Variants in AAK1 observed in about 807,000 individuals in gnomAD.
The protein encoded by AAK1 is AP2 associated kinase 1, also known as AP2-associated protein kinase 1.
A neutral mutation model predicts 116.0 loss-of-function variants in AAK1; 37 were observed. The observed-to-expected ratio is 0.32, with a 90% CI of 0.25 to 0.42. The LOEUF (loss-of-function observed/expected upper bound fraction) is 0.42. Among genes scored for constraint, AAK1 ranks in the 10% least tolerant of loss-of-function variants. The pLI is 1.00. For synonymous variants in AAK1, 458 were observed against 439.9 expected, an observed-to-expected ratio of 1.04 and a Z score of -0.51; for missense variants, 919 against 1,170.6, an observed-to-expected ratio of 0.79 and a Z score of 3.14.
chr2:69,639,087 T>C (rs955284626), intron 2 of AAK1, among the ~76,000 whole-genome samples: 1 of 152,246 alleles, frequency 6.6e-6, no homozygotes, highest in African/African-American at 2.4e-5. Context: ...AGTTTACTGA[T>C]GTGGACATTT....
chr2:69,612,811 T>C (rs1674147983), intron 2 of AAK1, among the ~76,000 whole-genome samples: 1 of 152,216 alleles, frequency 6.6e-6, no homozygotes, highest in East Asian at 1.9e-4. Flanking sequence ...ATCTCCCAGT[T>C]AGTCAAAGCC....
chr2:69,482,587 T>C (rs1171505777), intron 18 of AAK1, 124 bp downstream of exon 18: 2 of 794,004 alleles, frequency 2.5e-6, no homozygotes, highest in African/African-American at 1.7e-5. Flanking sequence ...CAAGTGAGAT[T>C]AAATAGCCTT....
intron 17 of AAK1, among the ~76,000 whole-genome samples, chr2:69,493,098 G>C (rs1037297066): frequency 7.2e-6 from 1 of 138,396 alleles, no homozygotes; most frequent in Non-Finnish European, 1.5e-5. Context: ...GGCGGAGCTT[G>C]CAGTGAGCCG....
chr2:69,625,026 AC>A (rs1277360241), intron 2 of AAK1, among the ~76,000 whole-genome samples: 5 of 152,352 alleles, frequency 3.3e-5, no homozygotes, highest in African/African-American at 1.2e-4. Flanking sequence ...CATTTCATTA[AC>A]AGTAAGTGTC....
In AAK1 at chr2:69,470,408, GC is replaced by G. The variant is rs1317976445; in HGVS notation, c.*5460del. The G allele has an allele frequency of 1.0e-6, 1 of 985,250 alleles. No homozygotes were observed. The highest frequency in any genetic ancestry group is 1.2e-6 in the Non-Finnish European group (1 of 829,926). The allele number at this position is 985,250 out of a possible 1,614,324, so 61.0% of individuals were successfully genotyped here. On this transcript the variant is annotated 3_prime_UTR_variant, in exon 22 of 22. Coordinates refer to ENST00000409085, the MANE Select transcript of AAK1 (RefSeq NM_014911.5). The stretch of plus-strand genomic sequence containing the variant: ...AACTAATAATTACCATGACCTTCTA[GC>G]TCACATAACAAAATTAAGCATTTGG...
At chr2:69,561,428 T>C (rs1166640373) in intron 2 of AAK1, among the ~76,000 whole-genome samples, 1 of 152,228 alleles carries the variant, frequency 6.6e-6, no homozygotes, top group African/African-American at 2.4e-5. Flanking sequence ...AAATAAATTA[T>C]TTCATTTGTA....
intron 3 of AAK1, 146 bp from the exon 4 acceptor site, chr2:69,544,690 G>A: frequency 1.6e-6 from 1 of 625,960 alleles, no homozygotes; most frequent in Non-Finnish European, 2.8e-6. Context: ...TCAAGAACAG[G>A]TTTCCAGTGG....
At chr2:69,586,092 G>A (rs1664130826) in intron 2 of AAK1, among the ~76,000 whole-genome samples, 1 of 152,172 alleles carries the variant, frequency 6.6e-6, no homozygotes, top group Non-Finnish European at 1.5e-5. Context: ...AGAACACTGT[G>A]AGATGAACCG....
At chr2:69,598,963 T>C (rs1572994341) in intron 2 of AAK1, 1 of 427,884 alleles carries the variant, frequency 2.3e-6, no homozygotes. Context: ...AACTTCACAT[T>C]CTACCAAAAG....
In AAK1 at chr2:69,542,510, G is replaced by A. The variant is rs374990657; in HGVS notation, c.534+13C>T. On this transcript the variant is annotated intron_variant, in intron 5 of 21. Coordinates refer to ENST00000409085, the MANE Select transcript of AAK1 (RefSeq NM_014911.5). ...TGAGTAGAATGCCCGTAATGAAAGA[G>A]TGTGGTCTGTACCTTCAGGTCCCGG... 4 of 1,613,676 alleles carry A rather than the reference G, an allele frequency of 2.5e-6. No individual in the cohort carries two copies. The highest frequency in any genetic ancestry group is 2.5e-6 in the Non-Finnish European group (3 of 1,179,676).
At chr2:69,500,273 G>A (rs1196035532) in intron 16 of AAK1, 3 of 152,188 alleles carry the variant, frequency 2.0e-5, no homozygotes, top group Non-Finnish European at 4.4e-5. Flanking sequence ...TGTAAAGAAT[G>A]AAGGTGTCAC....
At chr2:69,563,799 A>G (rs970693387) in intron 2 of AAK1, among the ~76,000 whole-genome samples, 1 of 152,240 alleles carries the variant, frequency 6.6e-6, no homozygotes, top group Non-Finnish European at 1.5e-5. Flanking sequence ...AAGGAATCAG[A>G]CAGATAATTC....
chr2:69,580,432 C>A (rs1486689085), intron 2 of AAK1, among the ~76,000 whole-genome samples: 1 of 152,080 alleles, frequency 6.6e-6, no homozygotes, highest in Admixed American at 6.6e-5. Flanking sequence ...TAAACTACAG[C>A]AAGTGAAAAG....
intron 3 of AAK1, among the ~76,000 whole-genome samples, chr2:69,547,966 C>A (rs978797553): frequency 3.3e-5 from 5 of 151,932 alleles, no homozygotes; most frequent in Non-Finnish European, 5.9e-5. Context: ...TAAGGATGAA[C>A]CTTAACAACA....
intron 2 of AAK1, among the ~76,000 whole-genome samples, chr2:69,572,878 TG>T (rs1278800421): frequency 6.6e-6 from 1 of 151,866 alleles, no homozygotes; most frequent in African/African-American, 2.4e-5. Context: ...AAGTGAGAGC[TG>T]GGTAATAGGA....
rs758046777 is a variant in AAK1, at chr2:69,560,994, A to ATTC, written c.164-4017_164-4016insGAA. On this transcript the variant is annotated intron_variant, in intron 2 of 21. Coordinates refer to ENST00000409085, the MANE Select transcript of AAK1 (RefSeq NM_014911.5). ...TCCAGATCATTGTTGCCATGTGGGA[A>ATTC]TATGGACCTGGTTTTGTCGGATCTG... Among the ~76,000 whole-genome samples the ATTC allele has an allele frequency of 4.9e-3, 749 of 152,330 alleles. 13 individuals carry two copies. The highest frequency in any genetic ancestry group is 3.3e-3 in the Non-Finnish European group (223 of 68,030).
At chr2:69,516,373 C>T (rs942699695) in intron 12 of AAK1, among the ~76,000 whole-genome samples, 3 of 150,172 alleles carry the variant, frequency 2.0e-5, no homozygotes, top group Admixed American at 6.6e-5. Flanking sequence ...ATTACAAATC[C>T]AAATTAGGAA....
rs748612762 is a variant in AAK1 at position 69,542,543 on chromosome 2, T to C, written c.514A>G (p.Ile172Val). 4 of 1,613,910 alleles carry C rather than the reference T, an allele frequency of 2.5e-6. No homozygotes were observed. The highest frequency in any genetic ancestry group is 1.3e-5 in the African/African-American group (1 of 75,010). The change falls in exon 5 of 22, where the codon ATT becomes GTT. Residue 172 changes from isoleucine to valine, a missense_variant. Coordinates refer to ENST00000409085, the MANE Select transcript of AAK1 (RefSeq NM_014911.5). ...VARLHQCKTP[I>V]IHRDLKVENI... ...TGTACCTTCAGGTCCCGGTGGATAA[T>C]AGGAGTTTTGCACTGATGCAGGCGG...
At chr2:69,509,744 G>C (rs1676321113) in intron 13 of AAK1, among the ~76,000 whole-genome samples, 1 of 152,110 alleles carries the variant, frequency 6.6e-6, no homozygotes, top group Non-Finnish European at 1.5e-5. Context: ...ACCATATTCA[G>C]CTCAAAGCAT....
Sources: gnomAD v4.1 joint callset for allele counts (sites outside exome capture counted in the v4.1 genomes callset) on GRCh38, gnomAD v4.1.1 for gene constraint, MANE v1.5 for transcripts, NCBI Gene and HGNC (gene_info 2026-07-23, HGNC 2026-07-21) for gene names.